SND1: variants seen among roughly 807,000 people sequenced by gnomAD.
SND1 encodes staphylococcal nuclease domain-containing protein 1.
Under a neutral mutation model 121.7 loss-of-function variants are expected in SND1, and 38 were observed. That is an observed-to-expected ratio of 0.31 (90% CI 0.24 to 0.41). SND1 has a LOEUF of 0.41. SND1 is among the 10% of genes least tolerant of loss of function. SND1 has a pLI of 1.00. For synonymous variants in SND1, 401 were observed against 447.4 expected, an observed-to-expected ratio of 0.90 and a Z score of 1.31; for missense variants, 868 against 1,184.6, an observed-to-expected ratio of 0.73 and a Z score of 3.92.
chr7:127,929,224 C>A lies in SND1; in HGVS notation c.1564C>A (p.Gln522Lys). ...AGCAAAGCAGTTCCTGCCTTTTCTT[C>A]AGCGGGCAGGTCGTTCTGAAGCTGT... Reference protein sequence around the residue: ...QKAKQFLPFLQRAGRSEAVVE... With the variant: ...QKAKQFLPFLKRAGRSEAVVE... The change falls in exon 15 of 24, where the codon CAG (glutamine) becomes AAG (lysine). Residue 522 changes from glutamine (Q) to lysine (K), a missense_variant. Gln to Lys is a moderately conservative substitution (Grantham distance 53, BLOSUM62 1). This residue lies in a region of SND1 where 743 missense variants were observed against 1,071.3 expected (regional missense o/e 0.69). Transcript: ENST00000354725. 1 of 1,614,060 alleles carries A rather than the reference C, an allele frequency of 6.2e-7. No individual in the cohort carries two copies. Among genetic ancestry groups the A allele is most frequent in the Non-Finnish European group, 8.5e-7 (1 of 1,179,912 alleles).
intron 10 of SND1, among the ~76,000 whole-genome samples, chr7:127,762,133 A>G (rs1211810394): frequency 6.6e-6 from 1 of 152,180 alleles, no homozygotes. Flanking sequence ...GCTTGATTTT[A>G]TATCTGTAAA....
chr7:127,822,250 A>G (rs996639408), intron 11 of SND1, among the ~76,000 whole-genome samples: 5 of 152,178 alleles, frequency 3.3e-5, no homozygotes, highest in Admixed American at 1.3e-4. Flanking sequence ...TTTTACACAT[A>G]TACTAGCATC....
intron 13 of SND1, among the ~76,000 whole-genome samples, chr7:127,901,289 T>C (rs955099850): frequency 1.3e-5 from 2 of 152,126 alleles, no homozygotes; most frequent in Non-Finnish European, 2.9e-5. Context: ...ATAAAGATGG[T>C]ACTCTCCCTT....
At chr7:128,027,367 T>TGTGG (rs1803506075) in intron 16 of SND1, 1 of 145,452 alleles carries the variant, frequency 6.9e-6, no homozygotes, top group South Asian at 2.5e-4. Flanking sequence ...CAGTACCCCA[T>TGTGG]GTGGAACTCC....
intron 1 of SND1, among the ~76,000 whole-genome samples, chr7:127,666,475 T>G (rs1398681943): frequency 2.0e-5 from 3 of 152,162 alleles, no homozygotes; most frequent in Non-Finnish European, 4.4e-5. Context: ...GGCACAAGGC[T>G]AAGCATACAG....
chr7:128,026,681 C>T (rs1429917382), intron 16 of SND1, among the ~76,000 whole-genome samples: 2 of 152,276 alleles, frequency 1.3e-5, no homozygotes, highest in Admixed American at 6.5e-5. Context: ...AAATCCAGGT[C>T]CCCCAGGTTC....
At chr7:127,904,574 C>A (rs1320113163) in intron 13 of SND1, 173 bp from the exon 14 acceptor site, 11 of 460,694 alleles carry the variant, frequency 2.4e-5, no homozygotes, top group African/African-American at 1.6e-4. Flanking sequence ...TTTATAATCC[C>A]CCCTCCACCA....
chr7:127,890,535 C>T lies in SND1; in HGVS notation c.1454+2523C>T, dbSNP rs151187235. Among the ~76,000 whole-genome samples the T allele has an allele frequency of 5.7e-4, 87 of 152,052 alleles. 1 individual carries two copies. Among genetic ancestry groups the T allele is most frequent in the African/African-American group, 1.8e-3 (76 of 41,430 alleles). On this transcript the variant is annotated intron_variant, in intron 13 of 23. Transcript: ENST00000354725. ...GCATTTCCAGAGTAGCAGGAGCCCT[C>T]AGCAATACAGTGGAATGTATAGTTA... is the stretch of plus-strand genomic sequence containing the variant.
intron 9 of SND1, among the ~76,000 whole-genome samples, chr7:127,714,273 G>T (rs1796348218): frequency 6.6e-6 from 1 of 152,176 alleles, no homozygotes; most frequent in Admixed American, 6.5e-5. Context: ...ACCTGCTAGG[G>T]CTTTGTCTGG....
intron 16 of SND1, among the ~76,000 whole-genome samples, chr7:128,053,281 A>G (rs187249352): frequency 4.6e-5 from 7 of 152,336 alleles, no homozygotes; most frequent in Non-Finnish European, 7.3e-5. Flanking sequence ...TTTATCCCAT[A>G]CAAGCATGTA....
At position 127,686,668 on chromosome 7, in the gene SND1, C is replaced by T. The variant is rs1320857384; in HGVS notation, c.134C>T (p.Pro45Leu). Residue 45 changes from proline (P) to leucine (L), a missense_variant, in exon 2 of 24, where the codon CCT (proline) becomes CTT (leucine). Coordinates refer to ENST00000354725, the MANE Select transcript of SND1 (RefSeq NM_014390.4). The stretch of plus-strand genomic sequence containing the variant: ...GGTCAGCCTCGTGGTGGGCCTCCTC[C>T]TGAGCGGCAGATCAACCTCAGCAAC... ...VRGQPRGGPPPERQINLSNIR... is the reference protein window; with the variant it reads ...VRGQPRGGPPLERQINLSNIR... The T allele has an allele frequency of 1.9e-6, 3 of 1,614,200 alleles. No individual in the cohort carries two copies. The highest frequency in any genetic ancestry group is 2.2e-5 in the East Asian group (1 of 44,878).
intron 18 of SND1, among the ~76,000 whole-genome samples, chr7:128,082,421 C>T (rs910995652): frequency 4.6e-5 from 7 of 152,226 alleles, no homozygotes; most frequent in African/African-American, 7.2e-5. Flanking sequence ...GCTCCAGCCC[C>T]GTCTCAGCCA....
chr7:127,733,846 G>A (rs1247598704), intron 10 of SND1, among the ~76,000 whole-genome samples: 9 of 152,108 alleles, frequency 5.9e-5, no homozygotes, highest in Admixed American at 5.2e-4. Flanking sequence ...CTAGCTGAGA[G>A]GCACAGGTGC....
intron 12 of SND1, among the ~76,000 whole-genome samples, chr7:127,864,787 A>C (rs1318940294): frequency 2.6e-5 from 4 of 152,174 alleles, no homozygotes; most frequent in African/African-American, 9.7e-5. Context: ...TTTCAGATGC[A>C]TCTGGAATAA....
At chr7:127,968,053 A>G (rs1156411183) in intron 15 of SND1, among the ~76,000 whole-genome samples, 1 of 152,230 alleles carries the variant, frequency 6.6e-6, no homozygotes, top group African/African-American at 2.4e-5. Flanking sequence ...TTAATTGGCC[A>G]GGGTCACACA....
intron 2 of SND1, chr7:127,694,606 T>A: frequency 4.3e-6 from 2 of 462,162 alleles, no homozygotes; most frequent in Middle Eastern, 5.6e-4. Flanking sequence ...GTTTTTAGTG[T>A]CTGTGTTAGT....
chr7:127,959,032 G>T (rs561492230), intron 15 of SND1, among the ~76,000 whole-genome samples: 7 of 152,170 alleles, frequency 4.6e-5, no homozygotes, highest in Non-Finnish European at 8.8e-5. Flanking sequence ...AGCTACATTT[G>T]TGTGGGGTTT....
At chr7:128,058,382 C>G (rs1365183204) in intron 16 of SND1, among the ~76,000 whole-genome samples, 3 of 152,246 alleles carry the variant, frequency 2.0e-5, no homozygotes, top group Non-Finnish European at 2.9e-5. Flanking sequence ...CATGTTACAG[C>G]TTGAAGAAAC....
chr7:127,735,901 A>T (rs908414419), intron 10 of SND1, among the ~76,000 whole-genome samples: 1 of 152,168 alleles, frequency 6.6e-6, no homozygotes, highest in Non-Finnish European at 1.5e-5. Context: ...AAGTGCTGGG[A>T]TTACAGGTGT....
Sources: allele counts gnomAD v4.1 joint callset (sites outside exome capture counted in the v4.1 genomes callset), GRCh38; gene constraint gnomAD v4.1.1; regional missense constraint gnomAD v4.1.1; transcripts MANE v1.5; gene names NCBI Gene and HGNC (gene_info 2026-07-23, HGNC 2026-07-21).